TTC28: variants seen among roughly 807,000 people sequenced by gnomAD.
TTC28 encodes the protein tetratricopeptide repeat domain 28.
A neutral mutation model predicts 198.0 loss-of-function variants in TTC28; 61 were observed. That is an observed-to-expected ratio of 0.31 (90% CI 0.25 to 0.38). TTC28 has a LOEUF of 0.38. TTC28 is among the 10% of genes least tolerant of loss of function. The pLI is 1.00. For missense variants in TTC28, 2,678 were observed against 3,164.0 expected (o/e 0.85, Z 3.69); for synonymous variants, 1,171 against 1,297.8 (o/e 0.90, Z 2.10).
chr22:28,165,359 G>C (rs535002958), intron 5 of TTC28, among the ~76,000 whole-genome samples: 1 of 151,966 alleles, frequency 6.6e-6, no homozygotes, highest in Non-Finnish European at 1.5e-5. Context: ...GAAGAGCAAC[G>C]CCAAGACACA....
In TTC28 at chr22:28,125,076, C is replaced by A. The variant is rs114086171; in HGVS notation, c.1442-16673G>T. ...CTGAGTGTTACATATACCTTTCCTC[C>A]AAAGAGCTCACCATGCTCTCATGCC... On this transcript the variant is annotated intron_variant, in intron 6 of 22. Coordinates refer to ENST00000397906, the MANE Select transcript of TTC28 (RefSeq NM_001145418.2). Among the ~76,000 whole-genome samples the A allele has an allele frequency of 8.5e-3, 1,294 of 152,278 alleles. 16 individuals carry two copies. Among genetic ancestry groups the A allele is most frequent in the African/African-American group, 0.029 (1,223 of 41,546 alleles).
Position 27,993,534 on chromosome 22 carries a change from G to T in TTC28, c.5245-16C>A, listed in dbSNP as rs771619828. The T allele has an allele frequency of 2.5e-5, 38 of 1,531,106 alleles. No individual in the cohort carries two copies. In the South Asian group the frequency reaches 4.3e-4, roughly 17 times the overall value. The allele number at this position is 1,531,106 out of a possible 1,614,324, so 94.8% of individuals were successfully genotyped here. ...ATTTCTCCACCTGAGGGGGAATTGG[G>T]GGTGAGTCAGAGACCCAGGCCAGCC... is the stretch of plus-strand genomic sequence containing the variant. On this transcript the variant is annotated splice_polypyrimidine_tract_variant and intron_variant, in intron 17 of 22. Coordinates refer to ENST00000397906, the MANE Select transcript of TTC28 (RefSeq NM_001145418.2).
At chr22:28,070,848 A>G (rs916474186) in intron 12 of TTC28, among the ~76,000 whole-genome samples, 11 of 152,228 alleles carry the variant, frequency 7.2e-5, no homozygotes, top group Non-Finnish European at 1.6e-4. Context: ...ATAAATATAC[A>G]TACTAACTTA....
At chr22:28,031,501 T>C (rs970022895) in intron 12 of TTC28, among the ~76,000 whole-genome samples, 3 of 152,306 alleles carry the variant, frequency 2.0e-5, no homozygotes, top group Non-Finnish European at 2.9e-5. Context: ...GGTGGGACTC[T>C]GGAAAGGGGC....
chr22:28,008,877 G>A (rs1938026845), intron 14 of TTC28, among the ~76,000 whole-genome samples: 1 of 152,180 alleles, frequency 6.6e-6, no homozygotes, highest in Non-Finnish European at 1.5e-5. Context: ...TGTGCCTTGG[G>A]GTGGTGGGGA....
intron 13 of TTC28, among the ~76,000 whole-genome samples, chr22:28,028,307 G>A (rs1938918255): frequency 6.6e-6 from 1 of 152,216 alleles, no homozygotes; most frequent in South Asian, 2.1e-4. Context: ...CTGGCTGGGG[G>A]CGGAGATTGT....
intron 5 of TTC28, among the ~76,000 whole-genome samples, chr22:28,178,771 C>A (rs962488912): frequency 6.6e-6 from 1 of 152,044 alleles, no homozygotes; most frequent in Admixed American, 6.5e-5. Flanking sequence ...TTTAAGTGTA[C>A]GTTATTATTA....
intron 2 of TTC28, among the ~76,000 whole-genome samples, chr22:28,624,663 C>G (rs1371478277): frequency 1.3e-5 from 2 of 151,948 alleles, no homozygotes; most frequent in Non-Finnish European, 2.9e-5. Flanking sequence ...CTATCCAATA[C>G]TTAAGGAAGA....
chr22:28,507,776 T>C (rs775931295), intron 2 of TTC28, among the ~76,000 whole-genome samples: 1 of 152,108 alleles, frequency 6.6e-6, no homozygotes, highest in Non-Finnish European at 1.5e-5. Flanking sequence ...AGAAAAGAAT[T>C]TCCAACCCAA....
intron 12 of TTC28, among the ~76,000 whole-genome samples, chr22:28,053,225 C>G (rs1009920552): frequency 1.3e-5 from 2 of 152,218 alleles, no homozygotes; most frequent in Non-Finnish European, 1.5e-5. Context: ...GTCCATCATC[C>G]CTTCAGGATG....
Position 28,018,306 on chromosome 22 carries a change from C to CGGG in TTC28, c.4074-3917_4074-3915dup, listed in dbSNP as rs138682. On this transcript the variant is annotated intron_variant, in intron 13 of 22. Transcript: ENST00000397906. ...GTGTGTGCGCGCGTGTGTGCGCGCG[C>CGGG]GGGGGGGGGGGCGGGGAACCTGTCC... is the stretch of plus-strand genomic sequence containing the variant. Among the ~76,000 whole-genome samples the CGGG allele has an allele frequency of 1.9e-3, 91 of 49,186 alleles. 1 individual carries two copies. Among genetic ancestry groups the CGGG allele is most frequent in the Non-Finnish European group, 3.3e-3 (70 of 21,404 alleles). 32.3% of individuals were successfully genotyped at this position (49,186 alleles called of 152,430 possible).
chr22:28,225,369 AAGAAG>A, intron 5 of TTC28, among the ~76,000 whole-genome samples: 1 of 8,034 alleles, frequency 1.2e-4, no homozygotes, highest in Non-Finnish European at 3.1e-4. Flanking sequence ...AAAAAAAGAA[AAGAAG>A]AAGAAGAAGA....
chr22:28,392,672 A>G (rs550147680), intron 2 of TTC28, among the ~76,000 whole-genome samples: 2 of 152,090 alleles, frequency 1.3e-5, no homozygotes, highest in East Asian at 1.9e-4. Flanking sequence ...GCGCTTCCCG[A>G]GTGAGGCAAT....
At chr22:28,288,263 C>T (rs1306936587) in intron 5 of TTC28, among the ~76,000 whole-genome samples, 1 of 152,132 alleles carries the variant, frequency 6.6e-6, no homozygotes, top group East Asian at 1.9e-4. Context: ...TTTCCATATA[C>T]CTTTTTCTTT....
intron 1 of TTC28, among the ~76,000 whole-genome samples, chr22:28,651,311 C>CTTTTTTTTTTTTTT (rs111469498): frequency 2.8e-4 from 41 of 147,446 alleles, no homozygotes; most frequent in African/African-American, 9.6e-4. Flanking sequence ...TCTGTCACTC[C>CTTTTTTTTTTTTTT]TTTTTTTTGA....
intron 2 of TTC28, among the ~76,000 whole-genome samples, chr22:28,597,931 A>G (rs1324517735): frequency 6.6e-6 from 1 of 151,906 alleles, no homozygotes; most frequent in Non-Finnish European, 1.5e-5. Context: ...AGCTGGGACA[A>G]TAGGCACATG....
intron 6 of TTC28, among the ~76,000 whole-genome samples, chr22:28,152,793 A>C (rs1305358684): frequency 6.6e-6 from 1 of 152,228 alleles, no homozygotes; most frequent in African/African-American, 2.4e-5. Flanking sequence ...CTCTTTCCGT[A>C]GAAAGATTCC....
intron 5 of TTC28, among the ~76,000 whole-genome samples, chr22:28,263,120 G>T (rs1397247051): frequency 6.6e-6 from 1 of 152,138 alleles, no homozygotes; most frequent in Non-Finnish European, 1.5e-5. Context: ...TTTATGTGAG[G>T]TGTTGATTGA....
chr22:28,410,119 A>C (rs2047059987), intron 2 of TTC28, among the ~76,000 whole-genome samples: 1 of 152,086 alleles, frequency 6.6e-6, no homozygotes, highest in Non-Finnish European at 1.5e-5. Context: ...ATGGGGTTTC[A>C]CCATGTTGGC....
Sources: allele counts gnomAD v4.1 joint callset (sites outside exome capture counted in the v4.1 genomes callset), GRCh38; gene constraint gnomAD v4.1.1; transcripts MANE v1.5; gene names NCBI Gene and HGNC (gene_info 2026-07-23, HGNC 2026-07-21).